BTBD9: variants seen among roughly 807,000 people sequenced by gnomAD.
The protein encoded by BTBD9 is BTB/POZ domain-containing protein 9.
In BTBD9, 49 loss-of-function variants were observed where a neutral mutation model predicts 64.3. The ratio of observed to expected loss-of-function variants is 0.76; its 90% confidence interval spans 0.61 to 0.97. The LOEUF (loss-of-function observed/expected upper bound fraction) is 0.97. BTBD9 is among the 50% of genes least tolerant of loss of function. The pLI is 0.00. For synonymous variants in BTBD9, 260 were observed against 274.7 expected (o/e 0.95, Z 0.53); for missense variants, 598 against 762.1 (o/e 0.78, Z 2.53).
intron 8 of BTBD9, among the ~76,000 whole-genome samples, chr6:38,282,434 T>G (rs1054152735): frequency 6.6e-6 from 1 of 152,164 alleles, no homozygotes; most frequent in Non-Finnish European, 1.5e-5. Context: ...TTAGGACACC[T>G]CCTGCTGTTT....
intron 6 of BTBD9, among the ~76,000 whole-genome samples, chr6:38,467,659 T>C (rs12528840): frequency 0.07 from 10,601 of 152,260 alleles, 726 homozygotes; most frequent in African/African-American, 0.17. Flanking sequence ...TGATACCTTG[T>C]GGACACTTCA....
chr6:38,396,716 G>A (rs1766690243), intron 6 of BTBD9, among the ~76,000 whole-genome samples: 1 of 152,046 alleles, frequency 6.6e-6, no homozygotes, highest in Non-Finnish European at 1.5e-5. Context: ...GTAGAAATGT[G>A]GTTAATCTAA....
rs1156634773 is a variant in BTBD9 at position 38,174,884 on chromosome 6, G to C, written c.*101C>G. ...GCTAGGTCGGCTCCTCCCTGGAAAGGGGCAGAGGTGGGGGCAGTCAACAGA... is the reference window on the plus strand; with the variant it reads ...GCTAGGTCGGCTCCTCCCTGGAAAGCGGCAGAGGTGGGGGCAGTCAACAGA... On this transcript the variant is annotated 3_prime_UTR_variant, in exon 11 of 11. Coordinates refer to ENST00000481247, the MANE Select transcript of BTBD9 (RefSeq NM_001099272.2). The C allele has an allele frequency of 8.6e-6, 12 of 1,400,152 alleles. No homozygotes were observed. In the African/African-American group the frequency reaches 1.7e-4, roughly 20 times the overall value. 86.7% of individuals were successfully genotyped at this position (1,400,152 alleles called of 1,614,324 possible). A position where few individuals can be genotyped will look rare whatever the true frequency, so the allele number is the denominator to read the frequency against.
chr6:38,292,210 A>G (rs1447494178), intron 7 of BTBD9, among the ~76,000 whole-genome samples: 1 of 151,770 alleles, frequency 6.6e-6, no homozygotes, highest in African/African-American at 2.4e-5. Flanking sequence ...GTGATCCACC[A>G]GCCTCAGCCT....
intron 1 of BTBD9, among the ~76,000 whole-genome samples, chr6:38,632,118 A>T (rs1039021512): frequency 1.3e-5 from 2 of 152,220 alleles, no homozygotes; most frequent in African/African-American, 4.8e-5. Flanking sequence ...ACAAGAGCAA[A>T]ACTCCATCTC....
intron 6 of BTBD9, among the ~76,000 whole-genome samples, chr6:38,404,567 C>A (rs1767084840): frequency 6.6e-6 from 1 of 152,082 alleles, no homozygotes; most frequent in Non-Finnish European, 1.5e-5. Context: ...AAAACAAAAC[C>A]CCAAACTACT....
chr6:38,601,017 C>T (rs1401605656), intron 1 of BTBD9, among the ~76,000 whole-genome samples: 2 of 151,994 alleles, frequency 1.3e-5, no homozygotes, highest in East Asian at 3.9e-4. Flanking sequence ...AATGAGCTTG[C>T]CCAACATTGG....
At chr6:38,353,769 A>G (rs1440505326) in intron 6 of BTBD9, among the ~76,000 whole-genome samples, 3 of 152,192 alleles carry the variant, frequency 2.0e-5, no homozygotes, top group Non-Finnish European at 4.4e-5. Flanking sequence ...ACGAATGTAG[A>G]CAAATGAGTC....
chr6:38,356,758 G>T (rs1274051582), intron 6 of BTBD9, among the ~76,000 whole-genome samples: 1 of 152,110 alleles, frequency 6.6e-6, no homozygotes, highest in Non-Finnish European at 1.5e-5. Flanking sequence ...TACCTAAATG[G>T]GTTCACTGTT....
rs574789315 is a variant in BTBD9 at position 38,563,729 on chromosome 6, T to C, written c.1154+13871A>G. Among the ~76,000 whole-genome samples, 40 of 151,018 alleles carry C rather than the reference T, an allele frequency of 2.6e-4. No individual in the cohort carries two copies. In the South Asian group the frequency reaches 7.8e-3, roughly 29 times the overall value. On this transcript the variant is annotated intron_variant, in intron 6 of 10. Transcript: ENST00000481247. The stretch of plus-strand genomic sequence containing the variant: ...GTTCTTTCCTCCCTCAAGATTTCCC[T>C]ACCTGTCTCTGCTCCAAACGCTTTC...
intron 6 of BTBD9, among the ~76,000 whole-genome samples, chr6:38,495,499 T>A (rs569125498): frequency 1.3e-5 from 2 of 152,220 alleles, no homozygotes; most frequent in South Asian, 4.2e-4. Flanking sequence ...TGTCCTTCTT[T>A]ATTATACATT....
Position 38,174,736 on chromosome 6 carries a change from C to T in BTBD9, c.*249G>A, listed in dbSNP as rs1319977275. 1.9e-6 allele frequency: 1 copy of T among 526,710 alleles called. No homozygotes were observed. Among genetic ancestry groups the T allele is most frequent in the African/African-American group, 1.9e-5 (1 of 52,810 alleles). 32.6% of individuals were successfully genotyped at this position (526,710 alleles called of 1,614,324 possible). A position where few individuals can be genotyped will look rare whatever the true frequency, so the allele number is the denominator to read the frequency against. On this transcript the variant is annotated 3_prime_UTR_variant, in exon 11 of 11. Coordinates refer to ENST00000481247, the MANE Select transcript of BTBD9 (RefSeq NM_001099272.2). ...AGAGAGGTAGGGTGTTAATGGTGGA[C>T]TTGATGAAGATTGAAGACCCATTTT...
intron 6 of BTBD9, among the ~76,000 whole-genome samples, chr6:38,419,637 G>A (rs1476920270): frequency 1.3e-5 from 2 of 152,118 alleles, no homozygotes; most frequent in African/African-American, 2.4e-5. Flanking sequence ...TTGGGAGGCC[G>A]AGGCGGGCGG....
chr6:38,511,340 C>CTTT (rs34407005), intron 6 of BTBD9, among the ~76,000 whole-genome samples: 13 of 107,486 alleles, frequency 1.2e-4, no homozygotes, highest in South Asian at 3.3e-4. Context: ...TTGGAAATGC[C>CTTT]TTTTTTTTTT....
intron 7 of BTBD9, among the ~76,000 whole-genome samples, chr6:38,299,070 T>C (rs534040097): frequency 2.0e-5 from 3 of 152,156 alleles, no homozygotes; most frequent in Non-Finnish European, 4.4e-5. Flanking sequence ...TGTGTTCTCA[T>C]TGTTCAGTTC....
chr6:38,526,681 A>G (rs576399759), intron 6 of BTBD9, among the ~76,000 whole-genome samples: 1 of 152,336 alleles, frequency 6.6e-6, no homozygotes, highest in Admixed American at 6.5e-5. Flanking sequence ...ATGCAGCTAA[A>G]TATCATTTCA....
At chr6:38,427,389 T>A (rs1768220135) in intron 6 of BTBD9, among the ~76,000 whole-genome samples, 1 of 151,918 alleles carries the variant, frequency 6.6e-6, no homozygotes, top group African/African-American at 2.4e-5. Context: ...CATTAGGTTC[T>A]CTGTGAGGTG....
chr6:38,512,498 G>T (rs1294689970), intron 6 of BTBD9, among the ~76,000 whole-genome samples: 1 of 152,216 alleles, frequency 6.6e-6, no homozygotes, highest in Non-Finnish European at 1.5e-5. Context: ...GCTAAGGAAA[G>T]GGTGGGAGCT....
chr6:38,639,367 G>A (rs1193182751), intron 1 of BTBD9, among the ~76,000 whole-genome samples: 1 of 152,174 alleles, frequency 6.6e-6, no homozygotes, highest in Non-Finnish European at 1.5e-5. Flanking sequence ...CTCCTACTCA[G>A]AGGCTGGCCA....
Sources: gnomAD v4.1 joint callset for allele counts (sites outside exome capture counted in the v4.1 genomes callset) on GRCh38, gnomAD v4.1.1 for gene constraint, MANE v1.5 for transcripts, NCBI Gene and HGNC (gene_info 2026-07-23, HGNC 2026-07-21) for gene names.